NR6A1: variants seen among roughly 807,000 people sequenced by gnomAD.
NR6A1 encodes the protein nuclear receptor subfamily 6 group A member 1.
Under a neutral mutation model 59.1 loss-of-function variants are expected in NR6A1, and 7 were observed. The observed-to-expected ratio is 0.12, with a 90% CI of 0.07 to 0.22. The LOEUF (loss-of-function observed/expected upper bound fraction) is 0.22, where lower values mean the gene tolerates loss of function less well. NR6A1 is among the 10% of genes least tolerant of loss of function. The pLI is 1.00. For missense variants in NR6A1, 468 were observed against 611.6 expected (o/e 0.77, Z 2.48); for synonymous variants, 243 against 236.1 (o/e 1.03, Z -0.27).
chr9:124,598,265 A>G (rs999488964), intron 2 of NR6A1, among the ~76,000 whole-genome samples: 1 of 151,796 alleles, frequency 6.6e-6, no homozygotes, highest in East Asian at 1.9e-4. Flanking sequence ...TGAAGCCAGG[A>G]GTTTGAGGCT....
chr9:124,676,167 C>G (rs1430334658), intron 2 of NR6A1, among the ~76,000 whole-genome samples: 2 of 152,142 alleles, frequency 1.3e-5, no homozygotes, highest in African/African-American at 4.8e-5. Context: ...AAAACAGCAC[C>G]ATTCCCTAGG....
chr9:124,674,711 G>A (rs933882653), intron 2 of NR6A1, among the ~76,000 whole-genome samples: 4 of 152,048 alleles, frequency 2.6e-5, no homozygotes, highest in African/African-American at 9.7e-5. Flanking sequence ...GAGGCCCAAT[G>A]GAAATATTCA....
At chr9:124,554,307 A>C (rs776900365) in intron 3 of NR6A1, 21 bp downstream of exon 3, 19 of 1,613,910 alleles carry the variant, frequency 1.2e-5, no homozygotes, top group Non-Finnish European at 1.5e-5. Context: ...ATGGGCCATC[A>C]GAGCCATCAG....
chr9:124,621,998 G>A (rs1360684017), intron 2 of NR6A1, among the ~76,000 whole-genome samples: 2 of 152,118 alleles, frequency 1.3e-5, no homozygotes, highest in Non-Finnish European at 2.9e-5. Flanking sequence ...CTGATCTCTT[G>A]AGCCCAGGAG....
intron 1 of NR6A1, among the ~76,000 whole-genome samples, chr9:124,766,838 C>T (rs1237826553): frequency 6.6e-6 from 1 of 152,188 alleles, no homozygotes; most frequent in Non-Finnish European, 1.5e-5. Context: ...GCCATCTGAA[C>T]ACAATTCATT....
intron 4 of NR6A1, among the ~76,000 whole-genome samples, chr9:124,542,519 T>A (rs986610187): frequency 3.9e-5 from 6 of 152,200 alleles, no homozygotes; most frequent in African/African-American, 1.4e-4. Context: ...TGCTTCAAAC[T>A]ATTATCTGTA....
chr9:124,690,062 C>T (rs1293084502), intron 2 of NR6A1, among the ~76,000 whole-genome samples: 1 of 152,172 alleles, frequency 6.6e-6, no homozygotes, highest in Non-Finnish European at 1.5e-5. Context: ...CACTGACATG[C>T]TGTTGTTATC....
At chr9:124,595,287 C>T (rs1339086766) in intron 2 of NR6A1, among the ~76,000 whole-genome samples, 1 of 152,158 alleles carries the variant, frequency 6.6e-6, no homozygotes, top group Non-Finnish European at 1.5e-5. Context: ...AAGCTCCCTA[C>T]CAGAGGATGA....
chr9:124,770,763 G>T (rs1442127243), intron 1 of NR6A1, among the ~76,000 whole-genome samples: 1 of 147,750 alleles, frequency 6.8e-6, no homozygotes, highest in Non-Finnish European at 1.5e-5. Flanking sequence ...AATGAAGCTC[G>T]GTGCCCAGGG....
At chr9:124,769,772 G>T (rs530616348) in intron 1 of NR6A1, among the ~76,000 whole-genome samples, 1 of 152,214 alleles carries the variant, frequency 6.6e-6, no homozygotes, top group Non-Finnish European at 1.5e-5. Flanking sequence ...CGGGTTTGCC[G>T]CCGGAGCGTT....
chr9:124,530,209 G>T (rs539916910), intron 7 of NR6A1, among the ~76,000 whole-genome samples: 1 of 151,972 alleles, frequency 6.6e-6, no homozygotes, highest in African/African-American at 2.4e-5. Flanking sequence ...TTTCTCTTGC[G>T]GACAGCACAT....
At chr9:124,627,445 C>T (rs1193852702) in intron 2 of NR6A1, among the ~76,000 whole-genome samples, 1 of 152,160 alleles carries the variant, frequency 6.6e-6, no homozygotes, top group East Asian at 1.9e-4. Context: ...AAACAAAAAG[C>T]ACTGGACCAC....
chr9:124,751,115 C>T (rs1195866978), intron 1 of NR6A1, among the ~76,000 whole-genome samples: 6 of 152,260 alleles, frequency 3.9e-5, no homozygotes, highest in African/African-American at 1.2e-4. Flanking sequence ...TATAAGGTTG[C>T]TGCATGTAAT....
At chr9:124,576,346 G>A (rs1465478044) in intron 2 of NR6A1, among the ~76,000 whole-genome samples, 1 of 152,104 alleles carries the variant, frequency 6.6e-6, no homozygotes, top group Non-Finnish European at 1.5e-5. Flanking sequence ...GGAGCACAGT[G>A]GCACAATCTC....
At chr9:124,721,033 T>G (rs993829017) in intron 2 of NR6A1, among the ~76,000 whole-genome samples, 1 of 152,218 alleles carries the variant, frequency 6.6e-6, no homozygotes, top group Non-Finnish European at 1.5e-5. Flanking sequence ...AAAATGTTAC[T>G]GCAATATTGC....
chr9:124,531,459 C>A (rs771928466), intron 7 of NR6A1, among the ~76,000 whole-genome samples: 2 of 152,190 alleles, frequency 1.3e-5, no homozygotes, highest in Non-Finnish European at 2.9e-5. Context: ...CACTTGCACT[C>A]AAGAGTTGTG....
At chr9:124,765,032 GGT>G (rs1474006489) in intron 1 of NR6A1, among the ~76,000 whole-genome samples, 1 of 152,076 alleles carries the variant, frequency 6.6e-6, no homozygotes, top group African/African-American at 2.4e-5. Context: ...TAGCTTCTCT[GGT>G]GTAAACAAAT....
chr9:124,579,516 C>T (rs1382311545), intron 2 of NR6A1, among the ~76,000 whole-genome samples: 1 of 151,966 alleles, frequency 6.6e-6, no homozygotes, highest in Non-Finnish European at 1.5e-5. Flanking sequence ...ATGGTAATGC[C>T]ACTGCACTCC....
At chr9:124,662,863 C>A (rs933227842) in intron 2 of NR6A1, among the ~76,000 whole-genome samples, 1 of 152,030 alleles carries the variant, frequency 6.6e-6, no homozygotes, top group African/African-American at 2.4e-5. Flanking sequence ...TTAGATAAGA[C>A]GACAAAGGTC....
Sources: gnomAD v4.1 joint callset for allele counts (sites outside exome capture counted in the v4.1 genomes callset) on GRCh38, gnomAD v4.1.1 for gene constraint, MANE v1.5 for transcripts, NCBI Gene and HGNC (gene_info 2026-07-23, HGNC 2026-07-21) for gene names.